Variants in IGBP1C observed in about 807,000 individuals in gnomAD.
The protein encoded by IGBP1C is IGBP1 family member C.
chr17:58,662,964 C>T, the IGBP1C span, among the ~76,000 whole-genome samples: 56 of 151,792 alleles, frequency 3.7e-4, no homozygotes, highest in African/African-American at 1.2e-3. Flanking sequence ...AAAAATTAGC[C>T]GGGCGTGGTG....
chr17:58,687,578 C>T, the IGBP1C span, among the ~76,000 whole-genome samples: 7 of 151,966 alleles, frequency 4.6e-5, no homozygotes, highest in African/African-American at 1.7e-4. Context: ...AGTGATCCAC[C>T]CACCTAAGCC....
the IGBP1C span, among the ~76,000 whole-genome samples, chr17:58,674,342 C>T: frequency 6.6e-5 from 10 of 151,828 alleles, no homozygotes; most frequent in African/African-American, 1.9e-4. Flanking sequence ...ATTGAACCCA[C>T]ATCCTTTTCA....
chr17:58,662,798 G>C, the IGBP1C span, among the ~76,000 whole-genome samples: 1 of 152,142 alleles, frequency 6.6e-6, no homozygotes, highest in Admixed American at 6.5e-5. Flanking sequence ...TGTTACATAA[G>C]TTCACAAAGC....
At chr17:58,688,431 AT>A in the IGBP1C span, among the ~76,000 whole-genome samples, 3 of 152,142 alleles carry the variant, frequency 2.0e-5, no homozygotes, top group African/African-American at 7.2e-5. Context: ...AATTGTAAAC[AT>A]TTTTAAAAAA....
chr17:58,678,461 G>A, the IGBP1C span, among the ~76,000 whole-genome samples: 1 of 152,092 alleles, frequency 6.6e-6, no homozygotes, highest in Non-Finnish European at 1.5e-5. Context: ...TTAAGAAAAC[G>A]TGGCACATAT....
At chr17:58,666,707 G>C in the IGBP1C span, 1 of 152,162 alleles carries the variant, frequency 6.6e-6, no homozygotes, top group Non-Finnish European at 1.5e-5. Context: ...TGAGGTACTT[G>C]CGTGACCCCA....
the IGBP1C span, among the ~76,000 whole-genome samples, chr17:58,675,912 A>G: frequency 1.3e-5 from 2 of 152,198 alleles, no homozygotes; most frequent in African/African-American, 4.8e-5. Flanking sequence ...TTAAATTGAT[A>G]TATCATAGTA....
chr17:58,665,897 A>T, the IGBP1C span, among the ~76,000 whole-genome samples: 1 of 151,696 alleles, frequency 6.6e-6, no homozygotes, highest in African/African-American at 2.4e-5. Flanking sequence ...AATACAAAAA[A>T]CTAGCCACGC....
the IGBP1C span, among the ~76,000 whole-genome samples, chr17:58,676,414 C>A: frequency 6.7e-6 from 1 of 148,992 alleles, no homozygotes; most frequent in African/African-American, 2.5e-5. Flanking sequence ...CACAAAAAAA[C>A]CCAGGCGTGG....
At chr17:58,686,670 A>C in the IGBP1C span, among the ~76,000 whole-genome samples, 1 of 152,106 alleles carries the variant, frequency 6.6e-6, no homozygotes, top group Non-Finnish European at 1.5e-5. Flanking sequence ...GACAACAAAT[A>C]CATATTGGGC....
the IGBP1C span, among the ~76,000 whole-genome samples, chr17:58,679,095 T>A: frequency 1.5e-4 from 23 of 152,004 alleles, no homozygotes; most frequent in Admixed American, 5.3e-4. Flanking sequence ...CTGAGGTTGC[T>A]GTGAGCTGAG....
chr17:58,664,188 C>A, the IGBP1C span, among the ~76,000 whole-genome samples: 1 of 152,306 alleles, frequency 6.6e-6, no homozygotes, highest in Non-Finnish European at 1.5e-5. Context: ...ATTGAACTAC[C>A]TTCCTAATTT....
At chr17:58,666,173 T>C in the IGBP1C span, among the ~76,000 whole-genome samples, 42 of 151,682 alleles carry the variant, frequency 2.8e-4, no homozygotes, top group African/African-American at 1.0e-3. Flanking sequence ...TAAGACGCCA[T>C]CTCTACTAAA....
the IGBP1C span, chr17:58,661,818 T>A: frequency 2.1e-6 from 1 of 485,014 alleles, no homozygotes; most frequent in Non-Finnish European, 3.6e-6. Context: ...TTTGTCTCTC[T>A]GTTTCCGTTT....
At chr17:58,690,442 A>G in the IGBP1C span, among the ~76,000 whole-genome samples, 9 of 152,192 alleles carry the variant, frequency 5.9e-5, no homozygotes, top group Admixed American at 3.3e-4. Flanking sequence ...CTTGGATTCC[A>G]GGCTTAAGCC....
the IGBP1C span, among the ~76,000 whole-genome samples, chr17:58,691,360 G>A: frequency 6.6e-6 from 1 of 151,792 alleles, no homozygotes. Context: ...GGGAAGAAAA[G>A]TCAAGACTAA....
At chr17:58,676,433 G>A in the IGBP1C span, among the ~76,000 whole-genome samples, 29 of 151,964 alleles carry the variant, frequency 1.9e-4, no homozygotes, top group African/African-American at 6.0e-4. Context: ...GGTGGCAGGC[G>A]TCTGTAATCT....
At chr17:58,662,473 A>G in the IGBP1C span, among the ~76,000 whole-genome samples, 1 of 151,612 alleles carries the variant, frequency 6.6e-6, no homozygotes, top group Non-Finnish European at 1.5e-5. Flanking sequence ...CAACTACATG[A>G]CCAAATTATG....
the IGBP1C span, among the ~76,000 whole-genome samples, chr17:58,683,621 G>T: frequency 4.0e-5 from 6 of 151,174 alleles, no homozygotes; most frequent in African/African-American, 1.5e-4. Context: ...AAATTAGCCA[G>T]GCATAGTGGC....
Sources: gnomAD v4.1 joint callset for allele counts (sites outside exome capture counted in the v4.1 genomes callset) on GRCh38, gnomAD v4.1.1 for gene constraint, MANE v1.5 for transcripts, NCBI Gene and HGNC (gene_info 2026-07-23, HGNC 2026-07-21) for gene names.